Variants in MTCL3 observed in about 807,000 individuals in gnomAD.
MTCL3 encodes MTCL family member 3, also known as microtubule cross-linking factor 3.
At chr6:127,489,554 A>T in the MTCL3 span, among the ~76,000 whole-genome samples, 1 of 152,274 alleles carries the variant, frequency 6.6e-6, no homozygotes, top group Non-Finnish European at 1.5e-5. Flanking sequence ...CTAGAAATAA[A>T]TTAAAAGTGC....
the MTCL3 span, among the ~76,000 whole-genome samples, chr6:127,490,218 CT>C: frequency 2.0e-5 from 3 of 152,144 alleles, no homozygotes; most frequent in Non-Finnish European, 4.4e-5. Flanking sequence ...TTTAAGCCCA[CT>C]TTTGAGACCT....
the MTCL3 span, chr6:127,516,454 A>C: frequency 4.4e-6 from 7 of 1,599,758 alleles, no homozygotes; most frequent in African/African-American, 4.0e-5. Context: ...GGTGGCCGCG[A>C]TTGTCTGTCG....
chr6:127,511,624 G>T, the MTCL3 span, among the ~76,000 whole-genome samples: 2 of 152,146 alleles, frequency 1.3e-5, no homozygotes, highest in Non-Finnish European at 2.9e-5. Flanking sequence ...GGTGAAAATA[G>T]ATCACACAGC....
At chr6:127,475,161 C>T in the MTCL3 span, 5 of 910,696 alleles carry the variant, frequency 5.5e-6, no homozygotes, top group Non-Finnish European at 7.9e-6. The surrounding 1 kb of genome is among the most constrained non-coding windows in gnomAD (Gnocchi z 7.3). Context: ...GGGTTTCAGG[C>T]CCCAGCGCGG....
the MTCL3 span, among the ~76,000 whole-genome samples, chr6:127,518,281 G>A: frequency 2.6e-5 from 4 of 152,180 alleles, no homozygotes; most frequent in African/African-American, 9.7e-5. Flanking sequence ...TTTTAATCAG[G>A]CAGAATAATT....
the MTCL3 span, among the ~76,000 whole-genome samples, chr6:127,504,026 C>A: frequency 1.3e-5 from 2 of 152,250 alleles, no homozygotes; most frequent in East Asian, 3.9e-4. Flanking sequence ...AACATGGACT[C>A]AGTCTTTAGT....
the MTCL3 span, among the ~76,000 whole-genome samples, chr6:127,477,263 A>AT: frequency 2.0e-5 from 3 of 152,236 alleles, no homozygotes; most frequent in Non-Finnish European, 4.4e-5. Context: ...TGGCAAAAGA[A>AT]TAGTGGAACT....
the MTCL3 span, among the ~76,000 whole-genome samples, chr6:127,487,789 T>C: frequency 1.2e-4 from 19 of 152,180 alleles, no homozygotes; most frequent in African/African-American, 4.3e-4. Flanking sequence ...GCAAAATCTT[T>C]CAGTGGCTTC....
At chr6:127,515,100 G>A in the MTCL3 span, 1 of 1,484,452 alleles carries the variant, frequency 6.7e-7, no homozygotes, top group East Asian at 2.3e-5. This position sits in a 1 kb window ranked among gnomAD's most constrained non-coding sequence, Gnocchi z 4.3. Flanking sequence ...CAGCCCTTCC[G>A]ACACACACCG....
the MTCL3 span, among the ~76,000 whole-genome samples, chr6:127,509,873 T>A: frequency 6.6e-6 from 1 of 152,192 alleles, no homozygotes; most frequent in Non-Finnish European, 1.5e-5. Flanking sequence ...ATTGCAAAAA[T>A]CTTATCTGAA....
chr6:127,476,518 A>G, the MTCL3 span: 17 of 1,449,416 alleles, frequency 1.2e-5, no homozygotes, highest in African/African-American at 2.3e-4. This position sits in a 1 kb window ranked among gnomAD's most constrained non-coding sequence, Gnocchi z 4.4. Flanking sequence ...TTTTATGTAA[A>G]TCAAGGAAAC....
chr6:127,499,922 G>A, the MTCL3 span, among the ~76,000 whole-genome samples: 6 of 152,082 alleles, frequency 3.9e-5, no homozygotes, highest in Non-Finnish European at 7.4e-5. Flanking sequence ...CCCTTCAGGC[G>A]ATAGATCCCA....
the MTCL3 span, among the ~76,000 whole-genome samples, chr6:127,476,828 G>C: frequency 1.3e-5 from 2 of 152,150 alleles, no homozygotes; most frequent in Non-Finnish European, 2.9e-5. The surrounding 1 kb of genome is among the most constrained non-coding windows in gnomAD (Gnocchi z 4.4). Flanking sequence ...TCTGTTCAAC[G>C]AGCATGTGGT....
the MTCL3 span, among the ~76,000 whole-genome samples, chr6:127,495,617 T>C: frequency 3.3e-5 from 5 of 152,300 alleles, no homozygotes; most frequent in Admixed American, 2.0e-4. Context: ...ATTACATGAG[T>C]GTTTTAAAAT....
the MTCL3 span, among the ~76,000 whole-genome samples, chr6:127,500,578 T>G: frequency 6.6e-6 from 1 of 152,214 alleles, no homozygotes; most frequent in East Asian, 1.9e-4. Context: ...GTTATATAGG[T>G]AAACTTGTGT....
At chr6:127,489,638 T>C in the MTCL3 span, among the ~76,000 whole-genome samples, 27 of 152,384 alleles carry the variant, frequency 1.8e-4, no homozygotes, top group East Asian at 5.0e-3. Flanking sequence ...TTTAGTGGTC[T>C]GGATAAAAGA....
At chr6:127,515,740 G>C in the MTCL3 span, 1 of 1,598,012 alleles carries the variant, frequency 6.3e-7, no homozygotes, top group Non-Finnish European at 8.5e-7. The surrounding 1 kb of genome is among the most constrained non-coding windows in gnomAD (Gnocchi z 4.3). Context: ...GCCAGACACC[G>C]GGGAGCTGCG....
the MTCL3 span, among the ~76,000 whole-genome samples, chr6:127,487,109 G>A: frequency 6.6e-6 from 1 of 152,130 alleles, no homozygotes; most frequent in South Asian, 2.1e-4. Context: ...CAGACTTATT[G>A]ACACCATTGT....
the MTCL3 span, among the ~76,000 whole-genome samples, chr6:127,496,733 G>A: frequency 6.6e-6 from 1 of 152,120 alleles, no homozygotes; most frequent in Non-Finnish European, 1.5e-5. Context: ...AATATTATTT[G>A]GCAATTTACA....
Sources: gnomAD v4.1 joint callset for allele counts (sites outside exome capture counted in the v4.1 genomes callset) on GRCh38, gnomAD v4.1.1 for gene constraint, Gnocchi (gnomAD v3.1) non-coding constraint, MANE v1.5 for transcripts, NCBI Gene and HGNC (gene_info 2026-07-23, HGNC 2026-07-21) for gene names.